UBAP2L: variants seen among roughly 807,000 people sequenced by gnomAD.
UBAP2L encodes ubiquitin associated protein 2 like, also known as ubiquitin-associated protein 2-like.
Under a neutral mutation model 130.6 loss-of-function variants are expected in UBAP2L, and 12 were observed. The observed-to-expected ratio is 0.09, with a 90% confidence interval of 0.06 to 0.15. The LOEUF (loss-of-function observed/expected upper bound fraction) is 0.15. Among genes scored for constraint, UBAP2L ranks in the 10% least tolerant of loss-of-function variants. The probability of loss-of-function intolerance (pLI) is 1.00; values close to 1 mark genes in which losing one functional copy is unlikely to be tolerated. For synonymous variants in UBAP2L, 503 were observed against 524.7 expected (o/e 0.96, Z 0.57); for missense variants, 965 against 1,332.5 (o/e 0.72, Z 4.29).
chr1:154,266,633 G>C, intron 25 of UBAP2L, 65 bp downstream of exon 25: 1 of 1,541,036 alleles, frequency 6.5e-7, no homozygotes, highest in Non-Finnish European at 9.0e-7. Flanking sequence ...AGTTGCAATG[G>C]TAGAAATAAC....
intron 18 of UBAP2L, 57 bp downstream of exon 18, chr1:154,255,812 G>A (rs973475840): frequency 3.5e-5 from 55 of 1,570,200 alleles, no homozygotes; most frequent in Middle Eastern, 1.7e-4. Context: ...CTGTCCAACT[G>A]TAAGATTGTC....
chr1:154,220,582 G>A, upstream of UBAP2L: 1 of 652,192 alleles, frequency 1.5e-6, no homozygotes, highest in Non-Finnish European at 2.7e-6. Context: ...AGGAGAGCTG[G>A]GAAAGGAGAA....
intron 10 of UBAP2L, 52 bp from the exon 11 acceptor site, chr1:154,246,152 A>C: frequency 6.5e-7 from 1 of 1,536,422 alleles, no homozygotes; most frequent in Non-Finnish European, 8.8e-7. Flanking sequence ...GTGTTGGGGA[A>C]TGTTAGCGTG....
intron 13 of UBAP2L, 68 bp from the exon 14 acceptor site, chr1:154,251,413 G>T: frequency 6.3e-7 from 1 of 1,575,572 alleles, no homozygotes; most frequent in Non-Finnish European, 8.6e-7. Flanking sequence ...TTAAAGGGAA[G>T]GGTTTTTTTT....
chr1:154,237,652 C>CT (rs1184225131), intron 8 of UBAP2L, among the ~76,000 whole-genome samples: 3 of 152,128 alleles, frequency 2.0e-5, no homozygotes, highest in African/African-American at 7.2e-5. Context: ...TAAGAATATC[C>CT]TTTTTTTCCC....
At chr1:154,255,407 G>T in intron 17 of UBAP2L, 81 bp downstream of exon 17, 1 of 1,535,074 alleles carries the variant, frequency 6.5e-7, no homozygotes, top group Admixed American at 1.8e-5. Context: ...CCCTTGACCT[G>T]GCAGAGACCA....
In UBAP2L at chr1:154,260,926, C is replaced by T; in HGVS notation, c.2613C>T (p.Ser871=). 1.2e-6 allele frequency: 2 copies of T among 1,614,222 alleles called. No homozygotes were observed. The highest frequency in any genetic ancestry group is 1.3e-5 in the African/African-American group (1 of 75,062). Residue 871 remains serine, a synonymous_variant, in exon 23 of 27, where the codon TCC becomes TCT. Coordinates refer to ENST00000428931, the MANE Select transcript of UBAP2L (RefSeq NM_014847.4). ...CAAAGTTCGGCCGTGGGGATGCCTC[C>T]TCCCCAGCCCCGGCCACAACCTTGG... The part of the protein sequence containing the change: ...DLTKFGRGDA[S]SPAPATTLAQ...
At chr1:154,271,507 T>G (rs976410777), downstream of UBAP2L, 2 of 152,232 alleles carry the variant, frequency 1.3e-5, no homozygotes, top group African/African-American at 4.8e-5. Context: ...AATGGACTAC[T>G]GTAGTAGTGG....
chr1:154,258,842 T>G (rs914546058), intron 20 of UBAP2L, 135 bp from the exon 21 acceptor site: 1 of 672,756 alleles, frequency 1.5e-6, no homozygotes, highest in Middle Eastern at 3.8e-4. Flanking sequence ...TAAATAAAAT[T>G]GAAGGAAATA....
chr1:154,226,925 C>A (rs1668130919), intron 2 of UBAP2L, among the ~76,000 whole-genome samples: 1 of 152,184 alleles, frequency 6.6e-6, no homozygotes. Flanking sequence ...CAGATTCAAG[C>A]AATTCTCCTG....
intron 26 of UBAP2L, among the ~76,000 whole-genome samples, 174 bp from the exon 27 acceptor site, chr1:154,270,026 G>C (rs893895736): frequency 6.6e-6 from 1 of 152,044 alleles, no homozygotes; most frequent in Non-Finnish European, 1.5e-5. Context: ...ATGCCTTCCT[G>C]CTTGTAAGAA....
intron 21 of UBAP2L, among the ~76,000 whole-genome samples, chr1:154,259,548 C>T (rs1318722298): frequency 6.6e-6 from 1 of 151,884 alleles, no homozygotes; most frequent in Non-Finnish European, 1.5e-5. Flanking sequence ...ACATTTTAAC[C>T]TATTCTATAG....
intron 8 of UBAP2L, 73 bp downstream of exon 8, chr1:154,237,209 A>G (rs1671968635): frequency 1.5e-6 from 2 of 1,341,688 alleles, no homozygotes; most frequent in Admixed American, 1.9e-5. Flanking sequence ...TTATACTTAC[A>G]TTAAAACGTG....
chr1:154,245,702 T>C (rs1571794682), intron 10 of UBAP2L, among the ~76,000 whole-genome samples: 1 of 151,748 alleles, frequency 6.6e-6, no homozygotes, highest in African/African-American at 2.4e-5. Flanking sequence ...GATCATGAGG[T>C]CAGGAGATTG....
intron 24 of UBAP2L, among the ~76,000 whole-genome samples, chr1:154,261,955 C>G (rs531877252): frequency 6.6e-6 from 1 of 152,092 alleles, no homozygotes; most frequent in South Asian, 2.1e-4. Flanking sequence ...GTTGGTTGGC[C>G]AAAAGTGTGG....
chr1:154,236,284 T>A (rs1024705633), intron 6 of UBAP2L, among the ~76,000 whole-genome samples: 1 of 152,126 alleles, frequency 6.6e-6, no homozygotes, highest in African/African-American at 2.4e-5. Flanking sequence ...CTGTAGCCTC[T>A]GCCTCCTGGA....
At chr1:154,266,624 G>A (rs1222316088) in intron 25 of UBAP2L, 56 bp downstream of exon 25, 16 of 1,559,016 alleles carry the variant, frequency 1.0e-5, no homozygotes, top group Non-Finnish European at 1.3e-5. Flanking sequence ...AGGAGGTGGA[G>A]TTGCAATGGT....
In UBAP2L at chr1:154,270,784, TTTGTACTGTGTCCTCAAA is replaced by T; in HGVS notation, c.*492_*509del. On this transcript the variant is annotated 3_prime_UTR_variant, in exon 27 of 27. Coordinates refer to ENST00000428931, the MANE Select transcript of UBAP2L (RefSeq NM_014847.4). Reference sequence around the variant, plus strand: ...GTTTTTTTTTTGTTTTTTTTTTTTTTTTGTACTGTGTCCTCAAATTTAATGGATTAATGTGTCTTGTAT... The same window carrying T: ...GTTTTTTTTTTGTTTTTTTTTTTTTTTTTAATGGATTAATGTGTCTTGTAT... 1 of 1,332,994 alleles carries T rather than the reference TTTGTACTGTGTCCTCAAA, an allele frequency of 7.5e-7. No homozygotes were observed. Among genetic ancestry groups the T allele is most frequent in the Non-Finnish European group, 9.7e-7 (1 of 1,036,038 alleles). The allele number at this position is 1,332,994 out of a possible 1,614,324, so 82.6% of individuals were successfully genotyped here. A position where few individuals can be genotyped will look rare whatever the true frequency, so the allele number is the denominator to read the frequency against.
rs752271127 is a variant in UBAP2L, at chr1:154,252,424, G to C, written c.1664+771G>C. 7.3e-5 allele frequency among the ~76,000 whole-genome samples: 11 copies of C among 150,140 alleles called. 1 individual carries two copies. The highest frequency in any genetic ancestry group is 1.5e-4 in the Non-Finnish European group (10 of 67,688). On this transcript the variant is annotated intron_variant, in intron 14 of 26. Transcript: ENST00000428931. The stretch of plus-strand genomic sequence containing the variant: ...GCTTCCTGAGTAGCTGAGATTACTG[G>C]AATGTGCCACCACATCCGGCTAATT...
Sources: allele counts gnomAD v4.1 joint callset (sites outside exome capture counted in the v4.1 genomes callset), GRCh38; gene constraint gnomAD v4.1.1; transcripts MANE v1.5; gene names NCBI Gene and HGNC (gene_info 2026-07-23, HGNC 2026-07-21).